POC1B: variants seen among roughly 807,000 people sequenced by gnomAD.
POC1B encodes POC1 centriolar protein homolog B.
POC1B carries 44 observed loss-of-function variants against 60.6 expected under a neutral mutation model. The observed-to-expected ratio is 0.73, with a 90% CI of 0.57 to 0.93. The LOEUF (loss-of-function observed/expected upper bound fraction) is 0.93, where lower values mean the gene tolerates loss of function less well. Among genes scored for constraint, POC1B ranks in the 40% least tolerant of loss-of-function variants. The pLI is 0.00. For missense variants in POC1B, 555 were observed against 572.3 expected, an observed-to-expected ratio of 0.97 and a Z score of 0.31; for synonymous variants, 180 against 198.9, an observed-to-expected ratio of 0.90 and a Z score of 0.80.
chr12:89,439,331 C>T (rs942307286), intron 10 of POC1B, among the ~76,000 whole-genome samples: 7 of 152,204 alleles, frequency 4.6e-5, no homozygotes, highest in Admixed American at 1.3e-4. Context: ...ACAAGCTCCC[C>T]CACAGACACA....
In POC1B at chr12:89,425,227, C is replaced by T. The variant is rs2120651558; in HGVS notation, c.1266G>A (p.Arg422=). 6.2e-7 allele frequency: 1 copy of T among 1,614,002 alleles called. No homozygotes were observed. The highest frequency in any genetic ancestry group is 2.2e-5 in the East Asian group (1 of 44,896). The change falls in exon 11 of 12, where the codon AGG becomes AGA. Residue 422 remains arginine (R), a synonymous_variant. Transcript: ENST00000313546. ...CATCAGTCACAGCGAGAGGTATGCT[C>T]CTTTGACTTTCACAGGGGAGGTCAC... ...DMSDLPCESQ[R]SIPLAVTDAL...
intron 10 of POC1B, among the ~76,000 whole-genome samples, chr12:89,442,950 A>G (rs1045097375): frequency 1.3e-5 from 2 of 152,226 alleles, no homozygotes; most frequent in African/African-American, 2.4e-5. Flanking sequence ...AGGGGTTGCA[A>G]CCTTAGTCTC....
Position 89,466,769 on chromosome 12 carries a change from C to T in POC1B, c.1032+1G>A, listed in dbSNP as rs1565737222. The T allele has an allele frequency of 6.2e-7, 1 of 1,610,688 alleles. No individual in the cohort carries two copies. ...AGGACAAATATGAACAAAATACTCA[C>T]TTCTACAGTCTCAACTTTTTCCTCA... On this transcript the variant is annotated splice_donor_variant, in intron 9 of 11. Transcript: ENST00000313546. LOFTEE classifies it high-confidence loss of function.
At chr12:89,515,124 C>T (rs966081595) in intron 2 of POC1B, among the ~76,000 whole-genome samples, 5 of 152,088 alleles carry the variant, frequency 3.3e-5, no homozygotes, top group African/African-American at 1.2e-4. Flanking sequence ...GTCTTCCTCT[C>T]CATTTCAACT....
At chr12:89,472,810 G>C (rs1376797635) in intron 4 of POC1B, 2 of 153,044 alleles carry the variant, frequency 1.3e-5, no homozygotes. Context: ...GGAGGCCAGA[G>C]AGCTCCAATG....
intron 2 of POC1B, among the ~76,000 whole-genome samples, chr12:89,498,029 T>C (rs572289328): frequency 6.6e-6 from 1 of 152,306 alleles, no homozygotes; most frequent in East Asian, 1.9e-4. Context: ...GTGTTTTTCC[T>C]AAGATTTAAG....
rs6538190 is a variant in POC1B at position 89,492,165 on chromosome 12, T to C, written c.273-50A>G. 303,175 of 1,326,990 alleles carry C rather than the reference T, an allele frequency of 0.23. 36,344 individuals are homozygous for C. Among genetic ancestry groups the C allele is most frequent in the South Asian group, 0.36 (21,961 of 61,172 alleles). 82.2% of individuals were successfully genotyped at this position (1,326,990 alleles called of 1,614,324 possible). On this transcript the variant is annotated intron_variant, in intron 3 of 11. Coordinates refer to ENST00000313546, the MANE Select transcript of POC1B (RefSeq NM_172240.3). ...ATAACTCATTTGATTTAATTATAGTTAATACTTAATCACAATACAGACTTT... is the reference window on the plus strand; with the variant it reads ...ATAACTCATTTGATTTAATTATAGTCAATACTTAATCACAATACAGACTTT...
chr12:89,407,148 CAAAAAAAAAA>C, the POC1B span, among the ~76,000 whole-genome samples: 12 of 63,390 alleles, frequency 1.9e-4, 1 homozygote, highest in African/African-American at 6.4e-4. Context: ...GACTCCGTCT[CAAAAAAAAAA>C]AAAAAAAAAA....
At chr12:89,416,020 T>A (rs918431241), downstream of POC1B, among the ~76,000 whole-genome samples, 1 of 152,202 alleles carries the variant, frequency 6.6e-6, no homozygotes, top group African/African-American at 2.4e-5. Context: ...AAGTGAAGCA[T>A]AGAGCAATGT....
At position 89,500,776 on chromosome 12, in the gene POC1B, C is replaced by G. The variant is rs1869524014; in HGVS notation, c.101-3434G>C. The G allele has an allele frequency of 1.3e-5, 13 of 1,027,420 alleles. No individual in the cohort carries two copies. In the South Asian group the frequency reaches 1.5e-4, roughly 12 times the overall value. 63.6% of individuals were successfully genotyped at this position (1,027,420 alleles called of 1,614,324 possible). ...TAGATAGAAATAGATAATAAAGTAT[C>G]AGATAAAGAGGATAAAACATCAGAA... On this transcript the variant is annotated intron_variant, in intron 2 of 11. Transcript: ENST00000313546.
intron 10 of POC1B, chr12:89,426,996 T>A (rs1196262328): frequency 6.6e-6 from 1 of 152,208 alleles, no homozygotes; most frequent in Non-Finnish European, 1.5e-5. Flanking sequence ...GCAGATTCAG[T>A]GCAAACCCTA....
intron 10 of POC1B, among the ~76,000 whole-genome samples, chr12:89,444,904 A>C (rs1359883507): frequency 6.6e-6 from 1 of 152,238 alleles, no homozygotes; most frequent in African/African-American, 2.4e-5. Context: ...CAACTTCAGC[A>C]AAGTCTCAGG....
At chr12:89,482,925 CTTT>C (rs1206589521) in intron 4 of POC1B, among the ~76,000 whole-genome samples, 3 of 138,560 alleles carry the variant, frequency 2.2e-5, no homozygotes, top group Admixed American at 7.3e-5. Context: ...TAACGCTATT[CTTT>C]TTTTTTTTTT....
In POC1B at chr12:89,503,757, G is replaced by A. The variant is rs376843776; in HGVS notation, c.101-6415C>T. On this transcript the variant is annotated intron_variant, in intron 2 of 11. Transcript: ENST00000313546. ...CGTCTGAGAAGTGAGGAGCCCCTCC[G>A]CCCGGCAGCCGCCCCATCTGAGAAG... 5.7e-5 allele frequency among the ~76,000 whole-genome samples: 7 copies of A among 123,576 alleles called. No homozygotes were observed. The East Asian group carries it at 1.5e-3, about 27-fold the overall frequency. The allele number at this position is 123,576 out of a possible 152,430, so 81.1% of individuals were successfully genotyped here. A position where few individuals can be genotyped will look rare whatever the true frequency, so the allele number is the denominator to read the frequency against.
At chr12:89,523,847 C>G in intron 2 of POC1B, 11 of 1,546,784 alleles carry the variant, frequency 7.1e-6, no homozygotes, top group Non-Finnish European at 9.5e-6. Flanking sequence ...TCCAGCCAAC[C>G]GGAATTACAC....
At chr12:89,413,479 G>A in the POC1B span, among the ~76,000 whole-genome samples, 1 of 152,150 alleles carries the variant, frequency 6.6e-6, no homozygotes, top group Non-Finnish European at 1.5e-5. Context: ...TAATAGATGT[G>A]AGCTACTATG....
At chr12:89,517,797 G>A (rs1357545850) in intron 2 of POC1B, among the ~76,000 whole-genome samples, 1 of 152,152 alleles carries the variant, frequency 6.6e-6, no homozygotes, top group Admixed American at 6.5e-5. Flanking sequence ...AAGCACATCT[G>A]CTTTCTTCCC....
intron 3 of POC1B, among the ~76,000 whole-genome samples, chr12:89,492,862 G>A (rs75792677): frequency 0.014 from 2,112 of 151,980 alleles, 18 homozygotes; most frequent in Non-Finnish European, 0.022. Context: ...TTGCCTTAAG[G>A]TAAATATATC....
chr12:89,502,351 T>C (rs1869616006), intron 2 of POC1B: 13 of 1,611,750 alleles, frequency 8.1e-6, no homozygotes, highest in Admixed American at 3.3e-5. Context: ...TTTGAAACCT[T>C]TGGAGTACTG....
Sources: allele counts gnomAD v4.1 joint callset (sites outside exome capture counted in the v4.1 genomes callset), GRCh38; gene constraint gnomAD v4.1.1; transcripts MANE v1.5; gene names NCBI Gene and HGNC (gene_info 2026-07-23, HGNC 2026-07-21).